EPHB2: variants seen among roughly 807,000 people sequenced by gnomAD.
The protein encoded by EPHB2 is ephrin type-B receptor 2.
In EPHB2, 18 loss-of-function variants were observed where a neutral mutation model predicts 96.4. The observed-to-expected ratio is 0.19, with a 90% confidence interval of 0.13 to 0.28. The LOEUF is 0.28. Ranked by LOEUF, EPHB2 falls within the 10% of genes least tolerant of loss-of-function variation. The probability of loss-of-function intolerance (pLI) is 1.00; values close to 1 mark genes in which losing one functional copy is unlikely to be tolerated. For missense variants in EPHB2, 989 were observed against 1,355.4 expected (o/e 0.73, Z 4.25); for synonymous variants, 506 against 534.1 (o/e 0.95, Z 0.72).
At chr1:22,891,979 T>TC (rs1478139926) in intron 6 of EPHB2, among the ~76,000 whole-genome samples, 14 of 151,230 alleles carry the variant, frequency 9.3e-5, no homozygotes, top group Admixed American at 9.2e-4. Context: ...TTTTTTTTTT[T>TC]AGAGAAAGGG....
Position 22,769,833 on chromosome 1 carries a change from G to A in EPHB2, c.62-11588G>A, listed in dbSNP as rs563807793. On this transcript the variant is annotated intron_variant, in intron 1 of 15. Coordinates refer to ENST00000374630, the MANE Select transcript of EPHB2 (RefSeq NM_017449.5). ...AATGAGTGATGTGAATGGATGGACA[G>A]GTAAATGAATGGGCGAGTGGATAAA... Among the ~76,000 whole-genome samples, 4 of 152,296 alleles carry A rather than the reference G, an allele frequency of 2.6e-5. No individual in the cohort carries two copies. The South Asian group carries it at 8.3e-4, about 32-fold the overall frequency.
chr1:22,723,685 C>T (rs781748030), intron 1 of EPHB2, among the ~76,000 whole-genome samples: 5 of 152,252 alleles, frequency 3.3e-5, no homozygotes, highest in Non-Finnish European at 5.9e-5. Context: ...CACTCACTGG[C>T]GGTGTCAGGG....
intron 5 of EPHB2, among the ~76,000 whole-genome samples, chr1:22,869,757 T>A (rs1453863502): frequency 6.6e-6 from 1 of 152,224 alleles, no homozygotes; most frequent in Non-Finnish European, 1.5e-5. Context: ...CCTCAGCTCA[T>A]TTCACTGACC....
At chr1:22,822,407 A>G (rs1414697429) in intron 3 of EPHB2, among the ~76,000 whole-genome samples, 1 of 152,168 alleles carries the variant, frequency 6.6e-6, no homozygotes, top group Non-Finnish European at 1.5e-5. Flanking sequence ...GAGAAAAGAA[A>G]ACAAAAGTGG....
intron 1 of EPHB2, among the ~76,000 whole-genome samples, chr1:22,763,616 C>T (rs976488394): frequency 6.6e-6 from 1 of 152,146 alleles, no homozygotes. Context: ...TTCATGGATC[C>T]AGCCATCACG....
At chr1:22,726,545 T>A (rs1438283020) in intron 1 of EPHB2, among the ~76,000 whole-genome samples, 1 of 152,026 alleles carries the variant, frequency 6.6e-6, no homozygotes, top group Non-Finnish European at 1.5e-5. Flanking sequence ...CTCAGTCTCC[T>A]GAGTAGCTGG....
In EPHB2 at chr1:22,912,602, A is replaced by G; in HGVS notation, c.2852+3A>G. On this transcript the variant is annotated splice_donor_region_variant and intron_variant, in intron 15 of 15. Transcript: ENST00000374630. ...GTCGTGTCTCAGATGATGATGGAGT[A>G]AGTGCCCAGCCACTTCTGCTTGTCA... 2 of 1,613,560 alleles carry G rather than the reference A, an allele frequency of 1.2e-6. No individual in the cohort carries two copies. Among genetic ancestry groups the G allele is most frequent in the Non-Finnish European group, 8.5e-7 (1 of 1,179,984 alleles).
rs2124120565 is a variant in EPHB2 at position 22,909,141 on chromosome 1, G to A, written c.2472G>A (p.Glu824=). 1.2e-6 allele frequency: 2 copies of A among 1,614,238 alleles called. No homozygotes were observed. The highest frequency in any genetic ancestry group is 1.3e-5 in the African/African-American group (1 of 75,044). ...IVMWEVMSYG[E]RPYWDMTNQD... ...TGTGGGAGGTGATGTCCTATGGGGA[G>A]CGGCCCTACTGGGACATGACCAACC... The change falls in exon 13 of 16, where the codon GAG becomes GAA. Residue 824 remains glutamate (E), a synonymous_variant. Coordinates refer to ENST00000374630, the MANE Select transcript of EPHB2 (RefSeq NM_017449.5).
intron 5 of EPHB2, among the ~76,000 whole-genome samples, chr1:22,870,480 A>G (rs1186734546): frequency 6.6e-6 from 1 of 152,180 alleles, no homozygotes. Flanking sequence ...CCCACAGACA[A>G]GACCATAGCA....
intron 3 of EPHB2, 87 bp from the exon 4 acceptor site, chr1:22,862,950 T>TGTGGCCCCTCCGTGAGGCTGC: frequency 6.4e-7 from 1 of 1,559,140 alleles, no homozygotes; most frequent in Non-Finnish European, 8.8e-7. Flanking sequence ...CGCGAGGCTG[T>TGTGGCCCCTCCGTGAGGCTGC]GTGGCCCCTC....
chr1:22,736,996 C>A (rs561854610), intron 1 of EPHB2, among the ~76,000 whole-genome samples: 21 of 152,286 alleles, frequency 1.4e-4, no homozygotes, highest in African/African-American at 5.1e-4. Flanking sequence ...TCCCCCAGGC[C>A]TCCAGGTGTC....
rs1465742522 is a variant in EPHB2 at position 22,738,824 on chromosome 1, G to GCATT, written c.61+27783_61+27786dup. ...GCATTGGCAGAGAGGAGGAAGAGAG[G>GCATT]CATTCTCAAGCCATGATGCGGGAAC... is the stretch of plus-strand genomic sequence containing the variant. On this transcript the variant is annotated intron_variant, in intron 1 of 15. Coordinates refer to ENST00000374630, the MANE Select transcript of EPHB2 (RefSeq NM_017449.5). Among the ~76,000 whole-genome samples the GCATT allele has an allele frequency of 1.4e-4, 21 of 152,120 alleles. 1 individual carries two copies. Among genetic ancestry groups the GCATT allele is most frequent in the Admixed American group, 1.4e-3 (21 of 15,276 alleles).
intron 3 of EPHB2, among the ~76,000 whole-genome samples, chr1:22,856,239 C>T (rs112621389): frequency 1.6e-4 from 24 of 152,216 alleles, no homozygotes; most frequent in African/African-American, 5.8e-4. Flanking sequence ...GTGCCAGGCC[C>T]AGATGGAGTC....
intron 1 of EPHB2, among the ~76,000 whole-genome samples, chr1:22,763,398 G>T (rs933093217): frequency 2.0e-5 from 3 of 152,104 alleles, no homozygotes; most frequent in Non-Finnish European, 2.9e-5. Context: ...ACAGAAACTT[G>T]CTGGGCCCAC....
chr1:22,785,835 A>G (rs557441630), intron 3 of EPHB2, among the ~76,000 whole-genome samples: 1 of 152,360 alleles, frequency 6.6e-6, no homozygotes, highest in African/African-American at 2.4e-5. Flanking sequence ...GAGCACTTCT[A>G]TGACTTAATT....
intron 6 of EPHB2, among the ~76,000 whole-genome samples, chr1:22,885,061 G>C (rs901533661): frequency 6.6e-6 from 1 of 152,126 alleles, no homozygotes; most frequent in Admixed American, 6.5e-5. Flanking sequence ...GGCCTGAGCT[G>C]TGGGTGGTGT....
chr1:22,716,699 T>C (rs1643304015), intron 1 of EPHB2, among the ~76,000 whole-genome samples: 1 of 152,178 alleles, frequency 6.6e-6, no homozygotes, highest in African/African-American at 2.4e-5. Flanking sequence ...TCTGGTCAAC[T>C]CTGCCTGCCC....
intron 5 of EPHB2, 95 bp from the exon 6 acceptor site, chr1:22,882,264 C>A: frequency 6.3e-7 from 1 of 1,580,256 alleles, no homozygotes; most frequent in East Asian, 2.3e-5. Context: ...TCTCTGATCC[C>A]ACAGTGCCCC....
At chr1:22,898,140 GAAA>G (rs1029176213) in intron 9 of EPHB2, among the ~76,000 whole-genome samples, 1 of 147,854 alleles carries the variant, frequency 6.8e-6, no homozygotes, top group Middle Eastern at 3.3e-3. Flanking sequence ...AAAAACAAAA[GAAA>G]AAAGAAGAAA....
Sources: gnomAD v4.1 joint callset for allele counts (sites outside exome capture counted in the v4.1 genomes callset) on GRCh38, gnomAD v4.1.1 for gene constraint, MANE v1.5 for transcripts, NCBI Gene and HGNC (gene_info 2026-07-23, HGNC 2026-07-21) for gene names.